Variants in PPP1R1C observed in about 807,000 individuals in gnomAD.
PPP1R1C encodes the protein protein phosphatase 1 regulatory subunit 1C.
PPP1R1C carries 15 observed loss-of-function variants against 17.4 expected under a neutral mutation model. The observed-to-expected ratio is 0.86, with a 90% CI of 0.58 to 1.33. The LOEUF (loss-of-function observed/expected upper bound fraction) is 1.33, where lower values mean the gene tolerates loss of function less well. Among genes scored for constraint, PPP1R1C ranks in the 40% most tolerant of loss-of-function variants. The pLI, the probability that PPP1R1C is intolerant of heterozygous loss-of-function variation, is 0.00. For synonymous variants in PPP1R1C, 35 were observed against 43.1 expected (o/e 0.81, Z 0.73); for missense variants, 143 against 130.0 (o/e 1.10, Z -0.48).
At chr2:182,091,757 CAAT>C (rs1299918685) in intron 4 of PPP1R1C, among the ~76,000 whole-genome samples, 1 of 152,152 alleles carries the variant, frequency 6.6e-6, no homozygotes, top group Non-Finnish European at 1.5e-5. Context: ...TGATTACCTT[CAAT>C]AGTGCTATAT....
intron 4 of PPP1R1C, among the ~76,000 whole-genome samples, chr2:182,076,421 C>T (rs953833737): frequency 4.0e-5 from 6 of 151,116 alleles, no homozygotes; most frequent in Admixed American, 2.0e-4. Flanking sequence ...GAAATCCTCT[C>T]CTACTGTCTG....
At chr2:182,121,864 A>G (rs145079775), downstream of PPP1R1C, among the ~76,000 whole-genome samples, 260 of 152,214 alleles carry the variant, frequency 1.7e-3, no homozygotes, top group African/African-American at 5.8e-3. Context: ...TTGTTCTTCT[A>G]TGTGTTAAAC....
chr2:181,962,235 CCTT>C lies in PPP1R1C; in HGVS notation n.111+7605_111+7607del, dbSNP rs1684811606. ...CGGTCATTCAGGCTTTGCATTGTCT[CCTT>C]CTTATTCTGGATGCCTCCCATTCCT... On this transcript the variant is annotated intron_variant and non_coding_transcript_variant, in intron 1 of 5. Coordinates refer to the PPP1R1C transcript ENST00000464264. The surrounding 1 kb of genome is among the most constrained non-coding windows in gnomAD (Gnocchi z 6.0). 2.7e-6 allele frequency: 2 copies of C among 732,118 alleles called. No homozygotes were observed. The highest frequency in any genetic ancestry group is 2.7e-4 in the Middle Eastern group (1 of 3,680). The allele number at this position is 732,118 out of a possible 1,614,324, so 45.4% of individuals were successfully genotyped here.
downstream of PPP1R1C, among the ~76,000 whole-genome samples, chr2:182,119,181 T>C (rs1442711438): frequency 2.6e-5 from 4 of 152,028 alleles, no homozygotes; most frequent in Non-Finnish European, 4.4e-5. Flanking sequence ...TTGCAATAGT[T>C]TGCTGAGAAT....
chr2:182,024,089 T>C (rs1686517026), intron 2 of PPP1R1C, among the ~76,000 whole-genome samples: 1 of 152,224 alleles, frequency 6.6e-6, no homozygotes, highest in Non-Finnish European at 1.5e-5. Context: ...GACAAATTAT[T>C]TTTGTATTTC....
At chr2:182,123,003 C>T (rs1265884996) in intron 5 of PPP1R1C, among the ~76,000 whole-genome samples, 1 of 152,210 alleles carries the variant, frequency 6.6e-6, no homozygotes, top group Non-Finnish European at 1.5e-5. Flanking sequence ...TATCCCTCCT[C>T]TAGCCCCCCG....
intron 3 of PPP1R1C, 134 bp from the exon 4 acceptor site, chr2:182,063,597 G>C: frequency 1.4e-6 from 1 of 708,478 alleles, no homozygotes; most frequent in Non-Finnish European, 2.5e-6. Context: ...TCATTAATTA[G>C]ATTCTATTTC....
intron 4 of PPP1R1C, among the ~76,000 whole-genome samples, chr2:182,064,955 TA>T (rs1054972219): frequency 2.0e-5 from 3 of 152,126 alleles, no homozygotes; most frequent in Non-Finnish European, 2.9e-5. Flanking sequence ...TCACTTAAAC[TA>T]AATAAAGTAA....
chr2:181,977,535 CAT>C (rs1028526160), intron 2 of PPP1R1C, among the ~76,000 whole-genome samples: 1 of 152,032 alleles, frequency 6.6e-6, no homozygotes, highest in African/African-American at 2.4e-5. Flanking sequence ...GACAAGGACT[CAT>C]ATATTATGTG....
At chr2:182,030,603 C>A (rs2125170573) in intron 2 of PPP1R1C, among the ~76,000 whole-genome samples, 1 of 148,436 alleles carries the variant, frequency 6.7e-6, no homozygotes, top group Admixed American at 6.7e-5. Context: ...GGGAGAACCA[C>A]TGCTCTCTTC....
At chr2:182,072,425 A>T (rs1688166229) in intron 4 of PPP1R1C, among the ~76,000 whole-genome samples, 1 of 152,252 alleles carries the variant, frequency 6.6e-6, no homozygotes, top group African/African-American at 2.4e-5. Context: ...TAGTGCTTCA[A>T]CATATACAAT....
intron 4 of PPP1R1C, among the ~76,000 whole-genome samples, chr2:182,069,978 G>A (rs1462534835): frequency 2.6e-5 from 4 of 152,200 alleles, no homozygotes; most frequent in Non-Finnish European, 5.9e-5. Flanking sequence ...TTAAAGTGGG[G>A]TGGATGCAGA....
intron 2 of PPP1R1C, among the ~76,000 whole-genome samples, chr2:182,027,303 A>T (rs1686647906): frequency 7.1e-6 from 1 of 139,922 alleles, no homozygotes; most frequent in South Asian, 2.4e-4. Flanking sequence ...TTCAAAGGGA[A>T]TGCTTCCAGT....
At chr2:182,081,759 G>A (rs904839734) in intron 4 of PPP1R1C, among the ~76,000 whole-genome samples, 12 of 152,284 alleles carry the variant, frequency 7.9e-5, no homozygotes, top group Non-Finnish European at 1.6e-4. Flanking sequence ...AATGTGTGCG[G>A]TTGAAAAGCC....
intron 2 of PPP1R1C, among the ~76,000 whole-genome samples, chr2:182,022,043 G>C (rs936724936): frequency 2.6e-5 from 4 of 152,240 alleles, no homozygotes; most frequent in African/African-American, 9.6e-5. Context: ...CTTATGAGTA[G>C]ATATTTCTTT....
chr2:182,116,778 T>C (rs993768976), intron 4 of PPP1R1C, among the ~76,000 whole-genome samples: 1 of 152,166 alleles, frequency 6.6e-6, no homozygotes, highest in African/African-American at 2.4e-5. Context: ...TTCTGATTGT[T>C]TTGTTGTTTA....
rs750708399 is a variant in PPP1R1C at position 181,966,499 on chromosome 2, T to TG, written n.112-8720_112-8719insG. Among the ~76,000 whole-genome samples, 1,086 of 151,996 alleles carry TG rather than the reference T, an allele frequency of 7.1e-3. 10 individuals carry two copies. Among genetic ancestry groups the TG allele is most frequent in the African/African-American group, 0.025 (1,021 of 41,482 alleles). ...TGTCTTCTATACCCAGTTTTTTTAG[T>TG]ATTTTTTTTCATCATAAAAGGATAT... On this transcript the variant is annotated intron_variant and non_coding_transcript_variant, in intron 1 of 5. Coordinates refer to the PPP1R1C transcript ENST00000464264.
intron 2 of PPP1R1C, among the ~76,000 whole-genome samples, chr2:182,046,478 A>T (rs1687350479): frequency 6.6e-6 from 1 of 152,022 alleles, no homozygotes. Flanking sequence ...CTGTAATCCC[A>T]GCACTTTGGG....
At chr2:182,043,749 T>C (rs1236808272) in intron 2 of PPP1R1C, among the ~76,000 whole-genome samples, 1 of 152,154 alleles carries the variant, frequency 6.6e-6, no homozygotes, top group East Asian at 1.9e-4. Flanking sequence ...CCTTATTTGT[T>C]GCTATTACTC....
Sources: gnomAD v4.1 joint callset for allele counts (sites outside exome capture counted in the v4.1 genomes callset) on GRCh38, gnomAD v4.1.1 for gene constraint, Gnocchi (gnomAD v3.1) non-coding constraint, MANE v1.5 for transcripts, NCBI Gene and HGNC (gene_info 2026-07-23, HGNC 2026-07-21) for gene names.